CACNA2D3: variants seen among roughly 807,000 people sequenced by gnomAD.
The protein encoded by CACNA2D3 is voltage-dependent calcium channel subunit alpha-2/delta-3.
In CACNA2D3, 60 loss-of-function variants were observed where a neutral mutation model predicts 160.6. That is an observed-to-expected ratio of 0.37 (90% CI 0.30 to 0.46). The LOEUF (loss-of-function observed/expected upper bound fraction) is 0.46, where lower values mean the gene tolerates loss of function less well. CACNA2D3 is among the 20% of genes least tolerant of loss of function. The probability of loss-of-function intolerance (pLI) is 1.00; values close to 1 mark genes in which losing one functional copy is unlikely to be tolerated. For missense variants in CACNA2D3, 1,205 were observed against 1,365.0 expected, an observed-to-expected ratio of 0.88 and a Z score of 1.85; for synonymous variants, 558 against 492.9, an observed-to-expected ratio of 1.13 and a Z score of -1.75.
chr3:54,713,720 C>T (rs187394882), intron 11 of CACNA2D3, among the ~76,000 whole-genome samples: 34 of 152,292 alleles, frequency 2.2e-4, no homozygotes, highest in African/African-American at 7.9e-4. Context: ...TGGGAGGGTT[C>T]ATACACAGTA....
At chr3:54,373,436 T>A (rs1400380681) in intron 3 of CACNA2D3, among the ~76,000 whole-genome samples, 1 of 152,190 alleles carries the variant, frequency 6.6e-6, no homozygotes, top group African/African-American at 2.4e-5. Context: ...GAGAAAACAG[T>A]TGAAAACTGT....
chr3:54,657,157 A>G (rs954372808), intron 11 of CACNA2D3, among the ~76,000 whole-genome samples: 6 of 152,068 alleles, frequency 3.9e-5, no homozygotes, highest in South Asian at 2.1e-4. Flanking sequence ...TCACAAGACA[A>G]TGTCTTCAGT....
intron 13 of CACNA2D3, among the ~76,000 whole-genome samples, chr3:54,780,230 T>C (rs1702506220): frequency 6.6e-6 from 1 of 152,238 alleles, no homozygotes; most frequent in Non-Finnish European, 1.5e-5. Context: ...CCTAGCTGAA[T>C]GATCAAGTTT....
chr3:54,596,602 G>A (rs977391505), intron 9 of CACNA2D3, among the ~76,000 whole-genome samples: 3 of 151,930 alleles, frequency 2.0e-5, no homozygotes, highest in East Asian at 2.0e-4. Context: ...TGCATGATAC[G>A]CCTTTTGCTT....
intron 4 of CACNA2D3, among the ~76,000 whole-genome samples, chr3:54,463,001 T>C (rs923034674): frequency 2.0e-4 from 31 of 151,330 alleles, no homozygotes; most frequent in Middle Eastern, 6.8e-3. Flanking sequence ...CATTTGCTTG[T>C]CTTTAAAGTA....
chr3:54,789,905 G>T (rs1702716329), intron 13 of CACNA2D3: 1 of 512,630 alleles, frequency 2.0e-6, no homozygotes, highest in African/African-American at 1.9e-5. Context: ...TCAGGGGTCA[G>T]AGCCCATTCC....
intron 35 of CACNA2D3, among the ~76,000 whole-genome samples, chr3:55,042,065 C>A (rs1703970031): frequency 6.6e-6 from 1 of 152,038 alleles, no homozygotes; most frequent in African/African-American, 2.4e-5. Flanking sequence ...ATTTTATGGT[C>A]CAGAATATTG....
chr3:54,564,859 G>C (rs566960664), intron 6 of CACNA2D3, among the ~76,000 whole-genome samples: 1 of 152,300 alleles, frequency 6.6e-6, no homozygotes, highest in South Asian at 2.1e-4. Flanking sequence ...ACACTTACTG[G>C]CTCATGTAAT....
At chr3:54,902,251 T>C (rs910254292) in intron 27 of CACNA2D3, among the ~76,000 whole-genome samples, 3 of 152,238 alleles carry the variant, frequency 2.0e-5, no homozygotes, top group South Asian at 4.1e-4. Flanking sequence ...GGTCATCTCA[T>C]GTTCATTGGC....
At chr3:54,154,856 A>G (rs887081189) in intron 2 of CACNA2D3, among the ~76,000 whole-genome samples, 4 of 152,148 alleles carry the variant, frequency 2.6e-5, no homozygotes, top group Non-Finnish European at 4.4e-5. Context: ...TGTGAAGCCA[A>G]TGTCATGTTT....
chr3:54,848,657 G>C (rs980194995), intron 17 of CACNA2D3, among the ~76,000 whole-genome samples: 10 of 152,240 alleles, frequency 6.6e-5, no homozygotes, highest in Admixed American at 6.5e-4. Flanking sequence ...TGTTGACTCT[G>C]ACTTGAGTTC....
At chr3:54,648,386 C>T (rs1699694922) in intron 11 of CACNA2D3, among the ~76,000 whole-genome samples, 2 of 152,214 alleles carry the variant, frequency 1.3e-5, no homozygotes, top group Non-Finnish European at 2.9e-5. Context: ...GTAGTTGTGA[C>T]AAAGACCAGA....
chr3:54,363,638 T>A (rs1698781826), intron 3 of CACNA2D3, among the ~76,000 whole-genome samples: 1 of 152,152 alleles, frequency 6.6e-6, no homozygotes, highest in Non-Finnish European at 1.5e-5. Context: ...TGTGTCATTG[T>A]TTATTGAGTT....
intron 13 of CACNA2D3, among the ~76,000 whole-genome samples, chr3:54,773,970 C>T (rs1281097802): frequency 2.0e-5 from 3 of 152,176 alleles, no homozygotes; most frequent in African/African-American, 2.4e-5. Flanking sequence ...TAATGATTTG[C>T]AACTGTCTGT....
intron 35 of CACNA2D3, among the ~76,000 whole-genome samples, chr3:55,037,399 G>A (rs934154270): frequency 6.6e-6 from 1 of 152,180 alleles, no homozygotes; most frequent in African/African-American, 2.4e-5. Flanking sequence ...TCATACTTGA[G>A]CTTGGAATCA....
chr3:54,735,485 G>A (rs1701478184), intron 11 of CACNA2D3, among the ~76,000 whole-genome samples: 1 of 152,216 alleles, frequency 6.6e-6, no homozygotes, highest in African/African-American at 2.4e-5. Flanking sequence ...GGACTTGCCA[G>A]TTCTCAGCAG....
intron 13 of CACNA2D3, among the ~76,000 whole-genome samples, chr3:54,766,878 C>T (rs961592142): frequency 3.3e-5 from 5 of 151,362 alleles, no homozygotes; most frequent in South Asian, 4.2e-4. Context: ...TAGCATACTA[C>T]CTTTTATATA....
At chr3:54,942,731 T>TA (rs1559639191) in intron 27 of CACNA2D3, among the ~76,000 whole-genome samples, 1 of 150,932 alleles carries the variant, frequency 6.6e-6, no homozygotes, top group African/African-American at 2.4e-5. Context: ...TCTAAAAAAA[T>TA]AAAAAAAATT....
chr3:54,892,322 C>T (rs942483623), intron 25 of CACNA2D3, among the ~76,000 whole-genome samples: 3 of 152,052 alleles, frequency 2.0e-5, no homozygotes, highest in African/African-American at 7.2e-5. Flanking sequence ...AATAACCAAG[C>T]CACAGAGTAG....
Sources: gnomAD v4.1 joint callset for allele counts (sites outside exome capture counted in the v4.1 genomes callset) on GRCh38, gnomAD v4.1.1 for gene constraint, MANE v1.5 for transcripts, NCBI Gene and HGNC (gene_info 2026-07-23, HGNC 2026-07-21) for gene names.